Variants in SPATA31C2 observed in about 807,000 individuals in gnomAD.
The protein encoded by SPATA31C2 is spermatogenesis-associated protein 31C2.
A neutral mutation model predicts 11.4 loss-of-function variants in SPATA31C2; 5 were observed. The ratio of observed to expected loss-of-function variants is 0.44; its 90% CI spans 0.23 to 0.92. The LOEUF (loss-of-function observed/expected upper bound fraction) is 0.92, where lower values mean the gene tolerates loss of function less well. Ranked by LOEUF, SPATA31C2 falls within the 40% of genes least tolerant of loss-of-function variation. SPATA31C2 has a pLI of 0.24. For missense variants in SPATA31C2, 1,353 were observed against 1,368.6 expected (o/e 0.99, Z 0.18); for synonymous variants, 515 against 538.7 (o/e 0.96, Z 0.61).
intron 1 of SPATA31C2, among the ~76,000 whole-genome samples, chr9:88,137,640 C>T (rs1479731902): frequency 3.3e-5 from 4 of 119,746 alleles, no homozygotes; most frequent in East Asian, 2.6e-4. Context: ...CAAACACACA[C>T]GCACACACAC....
In SPATA31C2 at chr9:88,130,627, G is replaced by C; in HGVS notation, c.2410C>G (p.Pro804Ala). 6.2e-7 allele frequency: 1 copy of C among 1,613,774 alleles called. No individual in the cohort carries two copies. Among genetic ancestry groups the C allele is most frequent in the Non-Finnish European group, 8.5e-7 (1 of 1,179,796 alleles). Reference sequence around the variant, plus strand: ...ATACAGGTTCCCAAGGGGACTGTGGGTTGTGGCACTGCCTCCCTGGTCTCT... The same window carrying C: ...ATACAGGTTCCCAAGGGGACTGTGGCTTGTGGCACTGCCTCCCTGGTCTCT... ...AGETREAVPQPTVPLGTCMRA... is the reference protein window; with the variant it reads ...AGETREAVPQATVPLGTCMRA... The change falls in exon 4 of 4, where the codon CCC (proline) becomes GCC (alanine). Residue 804 changes from proline (P) to alanine (A), a missense_variant. By Grantham distance (27) the Pro-to-Ala change is conservative (BLOSUM62 -1). This residue lies in a region of SPATA31C2 where 1,075 missense variants were observed against 992.8 expected (regional missense o/e 1.08). Coordinates refer to ENST00000324915, the MANE Select transcript of SPATA31C2 (RefSeq NM_001350978.3).
rs752610455 is a variant in SPATA31C2 at position 88,132,610 on chromosome 9, A to T, written c.427T>A (p.Ser143Thr). The T allele has an allele frequency of 1.2e-6, 2 of 1,609,630 alleles. No individual in the cohort carries two copies. The highest frequency in any genetic ancestry group is 1.7e-6 in the Non-Finnish European group (2 of 1,177,552). Residue 143 changes from serine to threonine, a missense_variant, in exon 4 of 4, where the codon TCC (serine) becomes ACC (threonine). Physicochemically the swap from Ser to Thr is moderately conservative, Grantham distance 58 (BLOSUM62 1). Transcript: ENST00000324915. ...GKRTPDGASR[S>T]SHEPTEDAAP... Reference sequence around the variant, plus strand: ...GCGTCTTCCGTAGGCTCATGAGAGGACCGGGAGGCTCCATCAGGTGTTCTT... The same window carrying T: ...GCGTCTTCCGTAGGCTCATGAGAGGTCCGGGAGGCTCCATCAGGTGTTCTT...
rs1432554644 is a variant in SPATA31C2, at chr9:88,130,767, A to G, written c.2270T>C (p.Leu757Ser). ...GIPSSNDHGS[L>S]KAPTAGQEGR... ...CTCCTGTCCAGCTGTAGGAGCCTTC[A>G]AGGACCCATGATCATTCGAAGATGG... The change falls in exon 4 of 4, where the codon TTG becomes TCG. Residue 757 changes from leucine to serine, a missense_variant. By Grantham distance (145) the Leu-to-Ser change is moderately radical (BLOSUM62 -2). Coordinates refer to ENST00000324915, the MANE Select transcript of SPATA31C2 (RefSeq NM_001350978.3). The G allele has an allele frequency of 1.2e-6, 2 of 1,613,238 alleles. No homozygotes were observed.
Position 88,132,376 on chromosome 9 carries a change from C to T in SPATA31C2, c.661G>A (p.Ala221Thr), listed in dbSNP as rs761572760. 6.2e-6 allele frequency: 10 copies of T among 1,610,786 alleles called. No individual in the cohort carries two copies. The highest frequency in any genetic ancestry group is 5.4e-5 in the African/African-American group (4 of 74,764). The change falls in exon 4 of 4, where the codon GCC (alanine) becomes ACC (threonine). Residue 221 changes from alanine (A) to threonine (T), a missense_variant. Coordinates refer to ENST00000324915, the MANE Select transcript of SPATA31C2 (RefSeq NM_001350978.3). ...CCTTTCGGAGGAGGCGGAGAGCAGG[C>T]CAGAGGATCAGGAGTGCGTGGTGGG... is the stretch of plus-strand genomic sequence containing the variant. ...PHPPRTPDPLACSPPPPKGFT... is the reference protein window; with the variant it reads ...PHPPRTPDPLTCSPPPPKGFT...
At chr9:88,136,359 C>T (rs867087923) in intron 1 of SPATA31C2, among the ~76,000 whole-genome samples, 484 of 134,364 alleles carry the variant, frequency 3.6e-3, no homozygotes, top group African/African-American at 8.7e-3. Context: ...CGGTTCGTGC[C>T]TTTAGCCCAT....
rs1825621352 is a variant in SPATA31C2, at chr9:88,132,647, A to T, written c.390T>A (p.Gly130=). 20 of 1,608,766 alleles carry T rather than the reference A, an allele frequency of 1.2e-5. No homozygotes were observed. The highest frequency in any genetic ancestry group is 1.7e-5 in the Non-Finnish European group (20 of 1,177,308). Residue 130 remains glycine, a synonymous_variant, in exon 4 of 4, where the codon GGT becomes GGA. Coordinates refer to ENST00000324915, the MANE Select transcript of SPATA31C2 (RefSeq NM_001350978.3). ...FGQLSGPDPP[G]EVGKRTPDGA... is the part of the protein sequence containing the mutation. Reference sequence around the variant, plus strand: ...CATCAGGTGTTCTTTTGCCCACCTCACCTGGCGGGTCTGGACCAGAGAGCT... The same window carrying T: ...CATCAGGTGTTCTTTTGCCCACCTCTCCTGGCGGGTCTGGACCAGAGAGCT...
chr9:88,130,108 G>C lies in SPATA31C2; in HGVS notation c.2929C>G (p.Pro977Ala). ...GTTTTCCTGCCTGGGGTAAGTTGAG[G>C]AGTCCTCAATCCTTGAAACATTTCT... is the stretch of plus-strand genomic sequence containing the variant. The part of the protein sequence containing the change: ...HEEMFQGLRT[P>A]QLTPGRKTED... Residue 977 changes from proline (P) to alanine (A), a missense_variant, in exon 4 of 4, where the codon CCT (proline) becomes GCT (alanine). Physicochemically the swap from Pro to Ala is conservative, Grantham distance 27 (BLOSUM62 -1). Transcript: ENST00000324915. 1 of 1,607,808 alleles carries C rather than the reference G, an allele frequency of 6.2e-7. No individual in the cohort carries two copies. Among genetic ancestry groups the C allele is most frequent in the Non-Finnish European group, 8.5e-7 (1 of 1,177,406 alleles).
chr9:88,134,202 T>G (rs1587689786), intron 1 of SPATA31C2, among the ~76,000 whole-genome samples: 1 of 145,056 alleles, frequency 6.9e-6, no homozygotes, highest in Non-Finnish European at 1.5e-5. Context: ...CAATATGAGG[T>G]CCACCATGGA....
At position 88,137,997 on chromosome 9, in the gene SPATA31C2, C is replaced by A. The variant is rs1183144063; in HGVS notation, c.189+261G>T. ...CCCCCGTCTCATGACCGGTCCTGGC[C>A]GCTGAGCCCACGGGTTTGATTTTGC... is the stretch of plus-strand genomic sequence containing the variant. On this transcript the variant is annotated intron_variant, in intron 1 of 3. Transcript: ENST00000324915. 2.8e-5 allele frequency among the ~76,000 whole-genome samples: 3 copies of A among 106,856 alleles called. 1 individual carries two copies. Among genetic ancestry groups the A allele is most frequent in the African/African-American group, 1.6e-4 (3 of 18,304 alleles). 70.1% of individuals were successfully genotyped at this position (106,856 alleles called of 152,430 possible). A position where few individuals can be genotyped will look rare whatever the true frequency, so the allele number is the denominator to read the frequency against.
chr9:88,134,898 CT>C, intron 1 of SPATA31C2: 1 of 1,493,360 alleles, frequency 6.7e-7, no homozygotes, highest in Non-Finnish European at 9.2e-7. Flanking sequence ...TGGTGTGGAG[CT>C]GGGGGTGTTT....
chr9:88,132,951 G>C lies in SPATA31C2; in HGVS notation c.326+15C>G. On this transcript the variant is annotated intron_variant, in intron 3 of 3. Transcript: ENST00000324915. ...GCCCTGGTAGGAAGGACGCAGGGAA[G>C]GGGAAGTGCCTCACCTCTGCAGTTG... 2.3e-5 allele frequency: 31 copies of C among 1,339,904 alleles called. 8 individuals carry two copies. Among genetic ancestry groups the C allele is most frequent in the Non-Finnish European group, 3.1e-5 (31 of 1,015,092 alleles). 83.0% of individuals were successfully genotyped at this position (1,339,904 alleles called of 1,614,324 possible). A position where few individuals can be genotyped will look rare whatever the true frequency, so the allele number is the denominator to read the frequency against.
chr9:88,130,324 G>A lies in SPATA31C2; in HGVS notation c.2713C>T (p.Gln905Ter). The A allele has an allele frequency of 6.2e-7, 1 of 1,609,468 alleles. No individual in the cohort carries two copies. The highest frequency in any genetic ancestry group is 8.5e-7 in the Non-Finnish European group (1 of 1,179,154). Residue 905 changes from glutamine to a stop codon, truncating the protein, a stop_gained, in exon 4 of 4, where the codon CAG (glutamine) becomes TAG (stop). Transcript: ENST00000324915. LOFTEE classifies it low-confidence loss of function (END_TRUNC). ...LASQVPQGHLQSMPTGNMQAS... is the reference protein window; with the variant it reads ...LASQVPQGHL ...TGCATGTTCCCAGTAGGCATGCTCT[G>A]GAGATGGCCCTGGGGCACTTGAGAA...
At chr9:88,134,006 TAGCCA>T (rs1391204464) in intron 1 of SPATA31C2, among the ~76,000 whole-genome samples, 2 of 151,028 alleles carry the variant, frequency 1.3e-5, no homozygotes, top group Non-Finnish European at 3.0e-5. Context: ...ATACAAAAAT[TAGCCA>T]GGCGTGGTGG....
rs755877074 is a variant in SPATA31C2, at chr9:88,132,565, A to T, written c.472T>A (p.Leu158Ile). The T allele has an allele frequency of 6.2e-7, 1 of 1,610,572 alleles. No individual in the cohort carries two copies. Among genetic ancestry groups the T allele is most frequent in the Non-Finnish European group, 8.5e-7 (1 of 1,177,778 alleles). ...TEDAAPIVSP[L>I]ASPDPRTKHP... ...TTGGTTCGAGGATCCGGGGAAGCTAACGGGGAGACAATGGGAGCAGCGTCT... is the reference window on the plus strand; with the variant it reads ...TTGGTTCGAGGATCCGGGGAAGCTATCGGGGAGACAATGGGAGCAGCGTCT... Residue 158 changes from leucine to isoleucine, a missense_variant, in exon 4 of 4, where the codon TTA becomes ATA. This residue lies in a region of SPATA31C2 where 1,075 missense variants were observed against 992.8 expected (regional missense o/e 1.08). Coordinates refer to ENST00000324915, the MANE Select transcript of SPATA31C2 (RefSeq NM_001350978.3).
Position 88,132,986 on chromosome 9 carries a change from G to C in SPATA31C2, c.306C>G (p.Asp102Glu). ...CTCACCTCTGCAGTTGTGAAAGCAGGTCCCAAGTCTCCTCCAGGCCTCTCG... is the reference window on the plus strand; with the variant it reads ...CTCACCTCTGCAGTTGTGAAAGCAGCTCCCAAGTCTCCTCCAGGCCTCTCG... ...ECPRGLEETW[D>E]LLSQLQSLLG... Residue 102 changes from aspartate (D) to glutamate (E), a missense_variant, in exon 3 of 4, where the codon GAC becomes GAG. Physicochemically the swap from Asp to Glu is conservative, Grantham distance 45. Coordinates refer to ENST00000324915, the MANE Select transcript of SPATA31C2 (RefSeq NM_001350978.3). 7.4e-7 allele frequency: 1 copy of C among 1,355,480 alleles called. No homozygotes were observed. Among genetic ancestry groups the C allele is most frequent in the Non-Finnish European group, 9.8e-7 (1 of 1,020,410 alleles). 84.0% of individuals were successfully genotyped at this position (1,355,480 alleles called of 1,614,324 possible).
Position 88,131,210 on chromosome 9 carries a change from G to T in SPATA31C2, c.1827C>A (p.Val609=), listed in dbSNP as rs28573141. Residue 609 remains valine, a synonymous_variant, in exon 4 of 4, where the codon GTC becomes GTA. Transcript: ENST00000324915. ...TGCTGGTTTTCACGTGGGTGTTGGA[G>T]ACGGGAAAAGCCTGGTTGACAGCAA... ...SWLAVNQAFP[V]SNTHVKTSNL... is the part of the protein sequence containing the mutation. 27,668 of 1,608,804 alleles carry T rather than the reference G, an allele frequency of 0.017. 2,823 individuals carry two copies. The East Asian group carries it at 0.29, about 17-fold the overall frequency.
At position 88,131,296 on chromosome 9, in the gene SPATA31C2, T is replaced by G; in HGVS notation, c.1741A>C (p.Ser581Arg). 6.2e-7 allele frequency: 1 copy of G among 1,609,956 alleles called. No individual in the cohort carries two copies. Among genetic ancestry groups the G allele is most frequent in the Non-Finnish European group, 8.5e-7 (1 of 1,179,774 alleles). Residue 581 changes from serine to arginine, a missense_variant, in exon 4 of 4, where the codon AGC becomes CGC. Physicochemically the swap from Ser to Arg is moderately radical, Grantham distance 110. Coordinates refer to ENST00000324915, the MANE Select transcript of SPATA31C2 (RefSeq NM_001350978.3). ...HIENILKAHM[S>R]RKLGQTNEGL... ...TCGTTGGTCTGGCCCAACTTTCTGC[T>G]CATGTGGGCTTTCAGGATGTTTTCT...
Position 88,132,101 on chromosome 9 carries a change from C to A in SPATA31C2, c.936G>T (p.Arg312Ser). The change falls in exon 4 of 4, where the codon AGG becomes AGT. Residue 312 changes from arginine to serine, a missense_variant. This residue lies in a region of SPATA31C2 where 1,075 missense variants were observed against 992.8 expected (regional missense o/e 1.08). Transcript: ENST00000324915. The part of the protein sequence containing the change: ...SVQQDHLSRQ[R>S]DTTMSPLLFQ... ...AAAGCAGTGGGGACATTGTAGTGTCCCTTTGGCGGGAAAGATGATCTTGCT... is the reference window on the plus strand; with the variant it reads ...AAAGCAGTGGGGACATTGTAGTGTCACTTTGGCGGGAAAGATGATCTTGCT... 6.2e-7 allele frequency: 1 copy of A among 1,610,632 alleles called. No homozygotes were observed. Among genetic ancestry groups the A allele is most frequent in the Non-Finnish European group, 8.5e-7 (1 of 1,177,592 alleles).
intron 2 of SPATA31C2, 107 bp from the exon 3 acceptor site, chr9:88,133,133 C>A: frequency 1.1e-6 from 1 of 894,716 alleles, no homozygotes; most frequent in Non-Finnish European, 1.5e-6. Flanking sequence ...ACCCTGGAAC[C>A]CACCCATCTG....
Sources: gnomAD v4.1 joint callset for allele counts (sites outside exome capture counted in the v4.1 genomes callset) on GRCh38, gnomAD v4.1.1 for gene constraint, gnomAD v4.1.1 regional missense constraint, MANE v1.5 for transcripts, NCBI Gene and HGNC (gene_info 2026-07-23, HGNC 2026-07-21) for gene names.